The following USP24 variants were observed in gnomAD, a reference collection of about 807,000 sequenced individuals.
The protein encoded by USP24 is ubiquitin specific peptidase 24.
USP24 carries 97 observed loss-of-function variants against 361.6 expected under a neutral mutation model. That is an observed-to-expected ratio of 0.27 (90% CI 0.23 to 0.32). The LOEUF is 0.32. USP24 is among the 10% of genes least tolerant of loss of function. The pLI is 1.00. For synonymous variants in USP24, 1,098 were observed against 1,124.6 expected (o/e 0.98, Z 0.47); for missense variants, 2,353 against 3,165.6 (o/e 0.74, Z 6.16).
intron 67 of USP24, among the ~76,000 whole-genome samples, 155 bp downstream of exon 67, chr1:55,071,659 A>T (rs1284598948): frequency 6.6e-6 from 1 of 152,228 alleles, no homozygotes; most frequent in Non-Finnish European, 1.5e-5. Flanking sequence ...GTTAGTGCAT[A>T]TGCTGAGCTG....
At chr1:55,103,172 C>G (rs1645682905) in intron 42 of USP24, among the ~76,000 whole-genome samples, 1 of 152,222 alleles carries the variant, frequency 6.6e-6, no homozygotes, top group Non-Finnish European at 1.5e-5. Flanking sequence ...GTCTCCACAG[C>G]TGTGTTCATA....
intron 4 of USP24, 136 bp from the exon 5 acceptor site, chr1:55,171,814 C>G (rs1383795258): frequency 5.0e-6 from 5 of 994,374 alleles, no homozygotes; most frequent in South Asian, 1.8e-5. Context: ...CGAAAGCATA[C>G]GCCTTAGCTA....
chr1:55,147,000 C>T lies in USP24; in HGVS notation c.2179G>A (p.Gly727Ser), dbSNP rs1647045793. Residue 727 changes from glycine (G) to serine (S), a missense_variant, in exon 19 of 68, where the codon GGC becomes AGC. Around this residue, in one of 8 missense-constraint regions of USP24, gnomAD observed 949 missense variants for 1,280.5 expected, o/e 0.74. Transcript: ENST00000294383. The stretch of plus-strand genomic sequence containing the variant: ...CAGATCTCCTTGGCACGATTCCAGC[C>T]CAGATACAGAGTAGCTTCTTGCAAG... ...FFLQEATLYLGWNRAKEIWEC... is the reference protein window; with the variant it reads ...FFLQEATLYLSWNRAKEIWEC... 6.2e-7 allele frequency: 1 copy of T among 1,605,218 alleles called. No individual in the cohort carries two copies. The highest frequency in any genetic ancestry group is 8.5e-7 in the Non-Finnish European group (1 of 1,176,508).
intron 1 of USP24, among the ~76,000 whole-genome samples, chr1:55,191,554 G>A (rs1200855912): frequency 6.7e-6 from 1 of 149,514 alleles, no homozygotes; most frequent in African/African-American, 2.5e-5. Flanking sequence ...GCAGTGGCAC[G>A]GTCTTGACTC....
chr1:55,124,918 T>C (rs934153661), intron 34 of USP24, among the ~76,000 whole-genome samples: 1 of 152,214 alleles, frequency 6.6e-6, no homozygotes, highest in African/African-American at 2.4e-5. Flanking sequence ...GCTCTGGTAT[T>C]GTCTCTAGTT....
chr1:55,154,046 A>C, intron 15 of USP24, 73 bp downstream of exon 15: 1 of 1,599,496 alleles, frequency 6.3e-7, no homozygotes, highest in East Asian at 2.2e-5. Flanking sequence ...CAGGGGAGGA[A>C]AATTATTTGG....
Position 55,104,965 on chromosome 1 carries a change from C to T in USP24, c.4881-945G>A, listed in dbSNP as rs553263042. Reference sequence around the variant, plus strand: ...GTTTCTGTGTATTTTAAATCTCTTTCTTCCTTGAAGGTTTTGGTGGGAAAA... The same window carrying T: ...GTTTCTGTGTATTTTAAATCTCTTTTTTCCTTGAAGGTTTTGGTGGGAAAA... On this transcript the variant is annotated intron_variant, in intron 41 of 67. Coordinates refer to ENST00000294383, the MANE Select transcript of USP24 (RefSeq NM_015306.3). Among the ~76,000 whole-genome samples, 12 of 152,304 alleles carry T rather than the reference C, an allele frequency of 7.9e-5. No homozygotes were observed. The East Asian group carries it at 1.3e-3, about 17-fold the overall frequency.
At chr1:55,201,332 G>A (rs948490030) in intron 1 of USP24, among the ~76,000 whole-genome samples, 25 of 152,214 alleles carry the variant, frequency 1.6e-4, no homozygotes, top group African/African-American at 5.5e-4. Flanking sequence ...TAGGCTGGGC[G>A]CAGTGGCTCA....
rs1177367384 is a variant in USP24 at position 55,194,061 on chromosome 1, A to C, written c.325-15929T>G. Among the ~76,000 whole-genome samples the C allele has an allele frequency of 3.9e-5, 6 of 152,340 alleles. No individual in the cohort carries two copies. In the East Asian group the frequency reaches 7.7e-4, roughly 20 times the overall value. On this transcript the variant is annotated intron_variant, in intron 1 of 67. Transcript: ENST00000294383. Reference sequence around the variant, plus strand: ...AGGCAAAAATGCTTTTACAAAAAACAGAACTTATATAATGCACCCCAAGCC... The same window carrying C: ...AGGCAAAAATGCTTTTACAAAAAACCGAACTTATATAATGCACCCCAAGCC...
chr1:55,179,989 T>A (rs1643915608), intron 1 of USP24, among the ~76,000 whole-genome samples: 1 of 152,192 alleles, frequency 6.6e-6, no homozygotes, highest in African/African-American at 2.4e-5. Context: ...CTAAATCATG[T>A]TTAAAATATT....
intron 7 of USP24, among the ~76,000 whole-genome samples, chr1:55,163,297 T>A (rs1239666986): frequency 6.6e-6 from 1 of 151,872 alleles, no homozygotes; most frequent in Non-Finnish European, 1.5e-5. Flanking sequence ...GTCTGAAACT[T>A]CTATATAGCA....
At chr1:55,132,294 C>T (rs1334577287) in intron 31 of USP24, among the ~76,000 whole-genome samples, 1 of 152,164 alleles carries the variant, frequency 6.6e-6, no homozygotes, top group Non-Finnish European at 1.5e-5. Context: ...GAAATAAATG[C>T]TTGCAGTTTA....
chr1:55,163,636 G>A (rs1249848570), intron 7 of USP24, among the ~76,000 whole-genome samples: 1 of 152,004 alleles, frequency 6.6e-6, no homozygotes, highest in Non-Finnish European at 1.5e-5. Flanking sequence ...TGGGTTTGTG[G>A]GAGTACTGAT....
At chr1:55,190,527 G>A (rs1644259264) in intron 1 of USP24, among the ~76,000 whole-genome samples, 1 of 152,162 alleles carries the variant, frequency 6.6e-6, no homozygotes, top group African/African-American at 2.4e-5. Flanking sequence ...GCTCCGAACA[G>A]ACATAATGTA....
At chr1:55,070,575 T>A (rs1424749032) in intron 67 of USP24, among the ~76,000 whole-genome samples, 1 of 152,114 alleles carries the variant, frequency 6.6e-6, no homozygotes, top group Non-Finnish European at 1.5e-5. Flanking sequence ...AAGAGGGAGT[T>A]AGCAGGGAAG....
chr1:55,198,866 A>G (rs1403781389), intron 1 of USP24, among the ~76,000 whole-genome samples: 1 of 152,242 alleles, frequency 6.6e-6, no homozygotes, highest in Non-Finnish European at 1.5e-5. Context: ...TTAATAAATA[A>G]TAAAATATCC....
Position 55,154,221 on chromosome 1 carries a change from C to T in USP24, c.1710G>A (p.Gln570=). ...HLPTLPSSLI[Q]QALEEHLTIL... is the part of the protein sequence containing the mutation. ...TTGTCAGGTGCTCCTCCAAGGCCTG[C>T]TGAATAAGGCTACTGGGCAGGGTTG... The change falls in exon 15 of 68, where the codon CAG becomes CAA. Residue 570 remains glutamine, a synonymous_variant. Coordinates refer to ENST00000294383, the MANE Select transcript of USP24 (RefSeq NM_015306.3). 2 of 1,613,490 alleles carry T rather than the reference C, an allele frequency of 1.2e-6. No individual in the cohort carries two copies. Among genetic ancestry groups the T allele is most frequent in the Non-Finnish European group, 1.7e-6 (2 of 1,179,650 alleles).
At chr1:55,125,614 G>C in intron 33 of USP24, 49 bp downstream of exon 33, 2 of 1,576,472 alleles carry the variant, frequency 1.3e-6, no homozygotes, top group Non-Finnish European at 8.6e-7. Context: ...GATTTGCGAA[G>C]AAAAAGTCAA....
chr1:55,102,079 T>C (rs372345485), intron 42 of USP24, among the ~76,000 whole-genome samples: 337 of 152,136 alleles, frequency 2.2e-3, no homozygotes, highest in Non-Finnish European at 3.2e-3. Context: ...GCACTTACAG[T>C]CTATTAGGGT....
Sources: allele counts gnomAD v4.1 joint callset (sites outside exome capture counted in the v4.1 genomes callset), GRCh38; gene constraint gnomAD v4.1.1; regional missense constraint gnomAD v4.1.1; transcripts MANE v1.5; gene names NCBI Gene and HGNC (gene_info 2026-07-23, HGNC 2026-07-21).